RICTOR: variants seen among roughly 807,000 people sequenced by gnomAD.
The protein encoded by RICTOR is RPTOR independent companion of MTOR complex 2.
A neutral mutation model predicts 214.9 loss-of-function variants in RICTOR; 49 were observed. The ratio of observed to expected loss-of-function variants is 0.23; its 90% CI spans 0.18 to 0.29. The LOEUF (loss-of-function observed/expected upper bound fraction) is 0.29, where lower values mean the gene tolerates loss of function less well. RICTOR is among the 10% of genes least tolerant of loss of function. The pLI, the probability that RICTOR is intolerant of heterozygous loss-of-function variation, is 1.00. For missense variants in RICTOR, 1,625 were observed against 2,047.0 expected (o/e 0.79, Z 3.98); for synonymous variants, 717 against 711.3 (o/e 1.01, Z -0.13).
At position 38,962,892 on chromosome 5, in the gene RICTOR, T is replaced by A. The variant is rs746106580; in HGVS notation, c.1550A>T (p.Asp517Val). 6.2e-7 allele frequency: 1 copy of A among 1,612,348 alleles called. No individual in the cohort carries two copies. Among genetic ancestry groups the A allele is most frequent in the Non-Finnish European group, 8.5e-7 (1 of 1,178,600 alleles). Reference protein sequence around the residue: ...KRDQYLRVQKDIFILKDTEEA... With the variant: ...KRDQYLRVQKVIFILKDTEEA... ...TGTCAGCACCTTAAGGATAAATATA[T>A]CTTTCTGAACTCGGAGATACTGATC... is the stretch of plus-strand genomic sequence containing the variant. The change falls in exon 17 of 38, where the codon GAT becomes GTT. Residue 517 changes from aspartate to valine, a missense_variant. Physicochemically the swap from Asp to Val is radical, Grantham distance 152. Coordinates refer to ENST00000357387, the MANE Select transcript of RICTOR (RefSeq NM_152756.5).
At position 38,941,185 on chromosome 5, in the gene RICTOR, T is replaced by C. The variant is rs1159229625; in HGVS notation, c.*1119A>G. ...TTCACAAATGGATAAAGGCAATTAATATACTCATAAACCCACCTACCACTG... is the reference window on the plus strand; with the variant it reads ...TTCACAAATGGATAAAGGCAATTAACATACTCATAAACCCACCTACCACTG... On this transcript the variant is annotated 3_prime_UTR_variant, in exon 38 of 38. Coordinates refer to ENST00000357387, the MANE Select transcript of RICTOR (RefSeq NM_152756.5). The C allele has an allele frequency of 4.3e-6, 1 of 232,840 alleles. No individual in the cohort carries two copies. The highest frequency in any genetic ancestry group is 6.1e-5 in the East Asian group (1 of 16,394). The allele number at this position is 232,840 out of a possible 1,614,324, so 14.4% of individuals were successfully genotyped here.
chr5:38,994,419 TAAAAAAA>T (rs869254811), intron 6 of RICTOR, among the ~76,000 whole-genome samples: 24,591 of 56,854 alleles, frequency 0.43, 3,829 homozygotes, highest in East Asian at 0.5. Context: ...AAGGTTTTAC[TAAAAAAA>T]AAAAAAAAAA....
rs775936788 is a variant in RICTOR, at chr5:38,978,583, T to G, written c.821A>C (p.Lys274Thr). Residue 274 changes from lysine to threonine, a missense_variant and splice_region_variant, in exon 9 of 38, where the codon AAA becomes ACA. Lys to Thr is a moderately conservative substitution (Grantham distance 78). This residue lies in a region of RICTOR where 258 missense variants were observed against 393.7 expected (regional missense o/e 0.66). Coordinates refer to ENST00000357387, the MANE Select transcript of RICTOR (RefSeq NM_152756.5). ...ATTATTAGGAACCAATGTTACTTAC[T>G]TGAGCTGTCCTTCAGCTGTATCTGG... ...HSPDTAEGQL[K>T]EDREARFLAS... 6.5e-7 allele frequency: 1 copy of G among 1,526,866 alleles called. No homozygotes were observed. Among genetic ancestry groups the G allele is most frequent in the Non-Finnish European group, 9.0e-7 (1 of 1,108,560 alleles). 94.6% of individuals were successfully genotyped at this position (1,526,866 alleles called of 1,614,324 possible).
rs1304761708 is a variant in RICTOR at position 38,994,451 on chromosome 5, A to AAAAAAG, written c.456+2367_456+2368insCTTTTT. On this transcript the variant is annotated intron_variant, in intron 6 of 37. Coordinates refer to ENST00000357387, the MANE Select transcript of RICTOR (RefSeq NM_152756.5). ...AAAAAAAAAAAAAAAAAAAAAAAAA[A>AAAAAAG]AGTGCTTCAGATGCCAAAAGCACTA... is the stretch of plus-strand genomic sequence containing the variant. Among the ~76,000 whole-genome samples, 542 of 101,530 alleles carry AAAAAAG rather than the reference A, an allele frequency of 5.3e-3. 124 individuals are homozygous for AAAAAAG. Among genetic ancestry groups the AAAAAAG allele is most frequent in the Middle Eastern group, 0.016 (2 of 128 alleles). The allele number at this position is 101,530 out of a possible 152,430, so 66.6% of individuals were successfully genotyped here. A position where few individuals can be genotyped will look rare whatever the true frequency, so the allele number is the denominator to read the frequency against.
intron 2 of RICTOR, among the ~76,000 whole-genome samples, chr5:39,053,890 CAAA>C (rs35354716): frequency 1.3e-5 from 1 of 78,368 alleles, no homozygotes; most frequent in Admixed American, 1.3e-4. Flanking sequence ...GACTCCGTCT[CAAA>C]AAAAAAAAAA....
chr5:39,073,485 T>A (rs1055978725), intron 2 of RICTOR, among the ~76,000 whole-genome samples: 1 of 152,172 alleles, frequency 6.6e-6, no homozygotes, highest in African/African-American at 2.4e-5. Context: ...GGGCGGTCTT[T>A]AGCCAACTAC....
intron 3 of RICTOR, among the ~76,000 whole-genome samples, chr5:39,014,262 A>G (rs540589278): frequency 1.3e-5 from 2 of 152,242 alleles, no homozygotes; most frequent in Admixed American, 1.3e-4. Flanking sequence ...ATGGCAAATA[A>G]ACTGAGCATG....
chr5:39,029,407 C>T (rs1756100551), intron 2 of RICTOR, among the ~76,000 whole-genome samples: 2 of 151,784 alleles, frequency 1.3e-5, no homozygotes, highest in East Asian at 1.9e-4. Context: ...TGCACATGTA[C>T]ACACACATAT....
chr5:38,954,294 C>CA (rs1377195666), intron 27 of RICTOR, among the ~76,000 whole-genome samples: 6 of 152,040 alleles, frequency 3.9e-5, no homozygotes. Flanking sequence ...CAAAGAACAA[C>CA]TGCTTGCCTA....
chr5:39,046,356 C>T (rs185311733), intron 2 of RICTOR, among the ~76,000 whole-genome samples: 23 of 150,132 alleles, frequency 1.5e-4, no homozygotes, highest in Admixed American at 1.4e-3. Context: ...AGAACAAGAC[C>T]CTGTCTCTAA....
chr5:38,985,406 G>A (rs1752088128), intron 7 of RICTOR, among the ~76,000 whole-genome samples: 1 of 152,080 alleles, frequency 6.6e-6, no homozygotes, highest in Non-Finnish European at 1.5e-5. Flanking sequence ...ATCCACAGAT[G>A]TGGAAGCTGT....
At chr5:39,062,472 T>C (rs1162952209) in intron 2 of RICTOR, among the ~76,000 whole-genome samples, 1 of 151,948 alleles carries the variant, frequency 6.6e-6, no homozygotes, top group Admixed American at 6.6e-5. Context: ...TGGTAAACAT[T>C]AGAAAGTGCA....
intron 3 of RICTOR, among the ~76,000 whole-genome samples, chr5:39,007,256 C>T (rs558029389): frequency 7.9e-5 from 12 of 152,236 alleles, no homozygotes; most frequent in African/African-American, 2.9e-4. Flanking sequence ...AATCTAAGAT[C>T]AAGGTGTTGG....
intron 2 of RICTOR, among the ~76,000 whole-genome samples, chr5:39,042,848 G>A (rs1230804810): frequency 3.3e-5 from 5 of 151,970 alleles, no homozygotes; most frequent in African/African-American, 1.2e-4. Context: ...CTGGGTTCTG[G>A]TTTCATCTCA....
intron 2 of RICTOR, among the ~76,000 whole-genome samples, chr5:39,050,166 T>G (rs1757745086): frequency 6.6e-6 from 1 of 150,582 alleles, no homozygotes; most frequent in African/African-American, 2.4e-5. Flanking sequence ...ACTTGCTTTT[T>G]TACATATATA....
intron 2 of RICTOR, among the ~76,000 whole-genome samples, chr5:39,047,696 G>T (rs753639755): frequency 9.2e-5 from 14 of 152,180 alleles, no homozygotes; most frequent in African/African-American, 2.4e-5. Context: ...GTCAGGCTTT[G>T]CTGTATGAAA....
chr5:38,999,843 G>C (rs1753480452), intron 5 of RICTOR, among the ~76,000 whole-genome samples: 2 of 151,520 alleles, frequency 1.3e-5, no homozygotes, highest in South Asian at 4.1e-4. Flanking sequence ...GGTCAAACCA[G>C]ATATAAAAAA....
intron 2 of RICTOR, among the ~76,000 whole-genome samples, chr5:39,036,057 A>G (rs951675366): frequency 2.0e-5 from 3 of 152,254 alleles, no homozygotes; most frequent in African/African-American, 7.2e-5. Flanking sequence ...TATTAAGGGA[A>G]GCCAGAGAGA....
chr5:38,990,616 CGATATATGATATAT>C (rs1752567131), intron 7 of RICTOR, among the ~76,000 whole-genome samples: 1 of 78,984 alleles, frequency 1.3e-5, no homozygotes, highest in Non-Finnish European at 2.5e-5. Flanking sequence ...GATATATATA[CGATATATGATATAT>C]ATATCTGACA....
Sources: gnomAD v4.1 joint callset for allele counts (sites outside exome capture counted in the v4.1 genomes callset) on GRCh38, gnomAD v4.1.1 for gene constraint, gnomAD v4.1.1 regional missense constraint, MANE v1.5 for transcripts, NCBI Gene and HGNC (gene_info 2026-07-23, HGNC 2026-07-21) for gene names.